Variants in MYLK3 observed in about 807,000 individuals in gnomAD.
The protein encoded by MYLK3 is MLC kinase.
Under a neutral mutation model 76.3 loss-of-function variants are expected in MYLK3, and 55 were observed. That is an observed-to-expected ratio of 0.72 (90% CI 0.58 to 0.90). MYLK3 has a LOEUF of 0.90. Among genes scored for constraint, MYLK3 ranks in the 40% least tolerant of loss-of-function variants. The pLI, the probability that MYLK3 is intolerant of heterozygous loss-of-function variation, is 0.00. For synonymous variants in MYLK3, 416 were observed against 425.4 expected (o/e 0.98, Z 0.27); for missense variants, 973 against 1,053.6 (o/e 0.92, Z 1.06).
Position 46,747,923 on chromosome 16 carries a change from G to C in MYLK3, c.271C>G (p.Pro91Ala), listed in dbSNP as rs753345905. Residue 91 changes from proline (P) to alanine (A), a missense_variant, in exon 1 of 13, where the codon CCC (proline) becomes GCC (alanine). Coordinates refer to ENST00000394809, the MANE Select transcript of MYLK3 (RefSeq NM_182493.3). ...GCCCTCACCAGCTCCAGGACCTCGG[G>C]CCACCCAGCCTGGGTGTCAATGTGG... ...VPHIDTQAGWPEVLELVRAMQ... is the reference protein window; with the variant it reads ...VPHIDTQAGWAEVLELVRAMQ... The C allele has an allele frequency of 5.0e-6, 8 of 1,613,538 alleles. No individual in the cohort carries two copies. The East Asian group carries it at 1.8e-4, about 36-fold the overall frequency.
chr16:46,724,544 T>G (rs946603129), intron 8 of MYLK3, among the ~76,000 whole-genome samples: 2 of 152,372 alleles, frequency 1.3e-5, no homozygotes, highest in East Asian at 3.9e-4. Context: ...AGCACAATTG[T>G]TGAAAAGACT....
chr16:46,714,355 T>A (rs1313133304), intron 9 of MYLK3, among the ~76,000 whole-genome samples: 1 of 152,154 alleles, frequency 6.6e-6, no homozygotes, highest in Non-Finnish European at 1.5e-5. Context: ...TTAAATCAGC[T>A]TTCAGAGAGC....
chr16:46,732,555 T>C lies in MYLK3; in HGVS notation c.1115A>G (p.Lys372Arg). ...TEAPAAAQPG[K>R]QGPPGTGRCL... ...GCGCCCGGTCCCAGGTGGGCCCTGC[T>C]TGCCTGGCTGGGCAGCTGCTGGAGC... The change falls in exon 4 of 13, where the codon AAG (lysine) becomes AGG (arginine). Residue 372 changes from lysine (K) to arginine (R), a missense_variant. Lys to Arg is a conservative substitution (Grantham distance 26). Around this residue, in one of 2 missense-constraint regions of MYLK3, gnomAD observed 641 missense variants for 637.0 expected, o/e 1.01. Transcript: ENST00000394809. The C allele has an allele frequency of 6.2e-7, 1 of 1,601,012 alleles. No individual in the cohort carries two copies. The highest frequency in any genetic ancestry group is 1.3e-5 in the African/African-American group (1 of 75,042).
chr16:46,729,574 G>A lies in MYLK3; in HGVS notation c.1662+20C>T. On this transcript the variant is annotated intron_variant, in intron 6 of 12. Coordinates refer to ENST00000394809, the MANE Select transcript of MYLK3 (RefSeq NM_182493.3). ...ATCCTGAGGCTGGCCACAGGGACCT[G>A]GCCCAGCCAGATGCCTCACCCGGTC... The A allele has an allele frequency of 6.2e-7, 1 of 1,609,066 alleles. No individual in the cohort carries two copies. The highest frequency in any genetic ancestry group is 8.5e-7 in the Non-Finnish European group (1 of 1,175,830).
At chr16:46,723,971 C>G (rs1040225319) in intron 8 of MYLK3, among the ~76,000 whole-genome samples, 3 of 152,110 alleles carry the variant, frequency 2.0e-5, no homozygotes, top group African/African-American at 7.2e-5. Flanking sequence ...TATTGTCTGT[C>G]ATTTTTACTT....
chr16:46,732,379 C>A lies in MYLK3; in HGVS notation c.1291G>T (p.Ala431Ser), dbSNP rs775254563. The change falls in exon 4 of 13, where the codon GCC (alanine) becomes TCC (serine). Residue 431 changes from alanine to serine, a missense_variant. By Grantham distance (99) the Ala-to-Ser change is moderately conservative (BLOSUM62 1). Coordinates refer to ENST00000394809, the MANE Select transcript of MYLK3 (RefSeq NM_182493.3). ...GAEPGTRPSL[A>S]RSDDNDHEVG... ...TCGTGGTCATTGTCGTCACTCCTGG[C>A]CAAGCTTGGTCTCGTGCCAGGCTCG... 5.6e-6 allele frequency: 9 copies of A among 1,613,576 alleles called. No individual in the cohort carries two copies. The Admixed American group carries it at 1.5e-4, about 27-fold the overall frequency.
At chr16:46,725,085 T>G (rs1352155904) in intron 8 of MYLK3, among the ~76,000 whole-genome samples, 1 of 152,212 alleles carries the variant, frequency 6.6e-6, no homozygotes, top group African/African-American at 2.4e-5. Context: ...TTTCTTGATT[T>G]TATTTACAGA....
At chr16:46,758,304 A>ACACACACACACTCT (rs1567294867) in intron 1 of MYLK3, among the ~76,000 whole-genome samples, 1 of 87,266 alleles carries the variant, frequency 1.1e-5, no homozygotes, top group African/African-American at 4.7e-5. Context: ...ACACACACAC[A>ACACACACACACTCT]CTCTCTCTCT....
chr16:46,721,308 C>A (rs1966797440), intron 8 of MYLK3, 115 bp from the exon 9 acceptor site: 3 of 873,766 alleles, frequency 3.4e-6, no homozygotes, highest in East Asian at 2.5e-5. Context: ...TGGCTCAGGG[C>A]AGCCCTGCAA....
Position 46,714,520 on chromosome 16 carries a change from C to T in MYLK3, c.1986-1744G>A, listed in dbSNP as rs558287994. On this transcript the variant is annotated intron_variant, in intron 9 of 12. Coordinates refer to ENST00000394809, the MANE Select transcript of MYLK3 (RefSeq NM_182493.3). ...TCCTCTGGCACCTGTCCCTCCCCTG[C>T]CCAGCAGCTGACCCAGGACTCAAGG... Among the ~76,000 whole-genome samples, 681 of 152,282 alleles carry T rather than the reference C, an allele frequency of 4.5e-3. 1 individual carries two copies. Among genetic ancestry groups the T allele is most frequent in the Non-Finnish European group, 7.2e-3 (490 of 68,014 alleles).
In MYLK3 at chr16:46,758,266, C is replaced by CCA. The variant is rs1164674291; in HGVS notation, c.-114+4772_-114+4773dup. On this transcript the variant is annotated intron_variant, in intron 1 of 11. Transcript: ENST00000536476. ...ACACACACACACTGCCTCTCTCTCT[C>CCA]CACACACACACACACACACACACAC... Among the ~76,000 whole-genome samples, 186 of 126,986 alleles carry CCA rather than the reference C, an allele frequency of 1.5e-3. 2 individuals are homozygous for CCA. Among genetic ancestry groups the CCA allele is most frequent in the African/African-American group, 2.5e-3 (82 of 32,244 alleles). 83.3% of individuals were successfully genotyped at this position (126,986 alleles called of 152,430 possible). A position where few individuals can be genotyped will look rare whatever the true frequency, so the allele number is the denominator to read the frequency against.
chr16:46,755,480 G>A (rs1224633844), intron 1 of MYLK3, among the ~76,000 whole-genome samples: 3 of 150,290 alleles, frequency 2.0e-5, no homozygotes, highest in South Asian at 2.1e-4. Context: ...AAAGCTCCAA[G>A]AAACAATAGC....
At chr16:46,742,973 T>C (rs748951766) in intron 1 of MYLK3, among the ~76,000 whole-genome samples, 11 of 152,204 alleles carry the variant, frequency 7.2e-5, no homozygotes, top group Non-Finnish European at 1.2e-4. Context: ...GCAGACCTTG[T>C]TGGGCTCAAA....
At chr16:46,719,987 G>A (rs1474344398) in intron 9 of MYLK3, among the ~76,000 whole-genome samples, 1 of 152,158 alleles carries the variant, frequency 6.6e-6, no homozygotes, top group African/African-American at 2.4e-5. Context: ...AGACCAGTCT[G>A]ACCCACTTAG....
At position 46,732,391 on chromosome 16, in the gene MYLK3, T is replaced by G; in HGVS notation, c.1279A>C (p.Arg427=). 3 of 1,613,720 alleles carry G rather than the reference T, an allele frequency of 1.9e-6. No individual in the cohort carries two copies. The highest frequency in any genetic ancestry group is 2.5e-6 in the Non-Finnish European group (3 of 1,180,012). The change falls in exon 4 of 13, where the codon AGA becomes CGA. Residue 427 remains arginine, a synonymous_variant. Transcript: ENST00000394809. ...EQRAGAEPGT[R]PSLARSDDND... Reference sequence around the variant, plus strand: ...TCGTCACTCCTGGCCAAGCTTGGTCTCGTGCCAGGCTCGGCCCCAGCCCTT... The same window carrying G: ...TCGTCACTCCTGGCCAAGCTTGGTCGCGTGCCAGGCTCGGCCCCAGCCCTT...
At chr16:46,735,657 A>T (rs1003091876) in intron 3 of MYLK3, among the ~76,000 whole-genome samples, 3 of 152,182 alleles carry the variant, frequency 2.0e-5, no homozygotes, top group Non-Finnish European at 4.4e-5. Flanking sequence ...TCCTTCCAAC[A>T]CTGTGCCTTG....
At chr16:46,713,136 T>A (rs1966701303) in intron 9 of MYLK3, among the ~76,000 whole-genome samples, 2 of 151,848 alleles carry the variant, frequency 1.3e-5, no homozygotes. Flanking sequence ...GAAAAAGTTC[T>A]GGAGATTGGT....
intron 9 of MYLK3, among the ~76,000 whole-genome samples, chr16:46,717,942 G>A (rs191173776): frequency 3.9e-5 from 6 of 152,240 alleles, no homozygotes; most frequent in Non-Finnish European, 7.4e-5. Context: ...ATTTGGCAGC[G>A]GGCCATCAGG....
At chr16:46,734,827 T>C (rs777858001) in intron 3 of MYLK3, among the ~76,000 whole-genome samples, 5 of 152,048 alleles carry the variant, frequency 3.3e-5, no homozygotes, top group Non-Finnish European at 7.4e-5. Context: ...TACTTAACAC[T>C]ACTGAGTGTA....
Sources: allele counts gnomAD v4.1 joint callset (sites outside exome capture counted in the v4.1 genomes callset), GRCh38; gene constraint gnomAD v4.1.1; regional missense constraint gnomAD v4.1.1; transcripts MANE v1.5; gene names NCBI Gene and HGNC (gene_info 2026-07-23, HGNC 2026-07-21).